Variants in SLC12A3 observed in about 807,000 individuals in gnomAD.
SLC12A3 encodes Na-Cl cotransporter.
SLC12A3 carries 104 observed loss-of-function variants against 121.0 expected under a neutral mutation model. That is an observed-to-expected ratio of 0.86 (90% CI 0.73 to 1.01). The LOEUF is 1.01. Ranked by LOEUF, SLC12A3 falls within the 50% of genes least tolerant of loss-of-function variation. The pLI, the probability that SLC12A3 is intolerant of heterozygous loss-of-function variation, is 0.00. For missense variants in SLC12A3, 1,328 were observed against 1,356.3 expected, an observed-to-expected ratio of 0.98 and a Z score of 0.33; for synonymous variants, 536 against 533.4, an observed-to-expected ratio of 1.00 and a Z score of -0.07.
intron 12 of SLC12A3, 77 bp downstream of exon 12, chr16:56,880,330 C>A: frequency 6.7e-7 from 1 of 1,502,196 alleles, no homozygotes; most frequent in Non-Finnish European, 9.0e-7. Flanking sequence ...GGGCCGGGCT[C>A]TTCTCCTGTC....
At chr16:56,883,161 G>A (rs1296348105) in intron 13 of SLC12A3, among the ~76,000 whole-genome samples, 1 of 151,848 alleles carries the variant, frequency 6.6e-6, no homozygotes, top group East Asian at 1.9e-4. Context: ...GCTGCAGGTT[G>A]CACACTGCAT....
chr16:56,898,389 G>C (rs1464098364), intron 22 of SLC12A3, among the ~76,000 whole-genome samples: 1 of 152,118 alleles, frequency 6.6e-6, no homozygotes, highest in Admixed American at 6.5e-5. Context: ...CTCCCGAGTA[G>C]CTGGGACTAC....
chr16:56,905,057 T>C (rs2144773892), intron 25 of SLC12A3, among the ~76,000 whole-genome samples: 1 of 152,092 alleles, frequency 6.6e-6, no homozygotes, highest in Middle Eastern at 3.4e-3. Context: ...AGAACATGAT[T>C]GGCCGGGCAC....
At position 56,914,822 on chromosome 16, in the gene SLC12A3, G is replaced by T. The variant is rs1157508029; in HGVS notation, c.*1417G>T. 1 of 152,120 alleles carries T rather than the reference G, an allele frequency of 6.6e-6. No individual in the cohort carries two copies. The allele number at this position is 152,120 out of a possible 1,614,324, so 9.4% of individuals were successfully genotyped here. A position where few individuals can be genotyped will look rare whatever the true frequency, so the allele number is the denominator to read the frequency against. On this transcript the variant is annotated 3_prime_UTR_variant, in exon 26 of 26. Coordinates refer to ENST00000563236, the MANE Select transcript of SLC12A3 (RefSeq NM_001126108.2). ...TGGAGAGGGGTGTAGAGATGGCAAG[G>T]TTGGCAAGGAACAGATAGGCAGGAG...
chr16:56,905,043 A>C (rs72786761), intron 25 of SLC12A3, among the ~76,000 whole-genome samples: 2,485 of 152,234 alleles, frequency 0.016, 31 homozygotes, highest in Non-Finnish European at 0.025. Context: ...TGAGGCCTGT[A>C]AGAAGAACAT....
intron 3 of SLC12A3, among the ~76,000 whole-genome samples, chr16:56,868,817 A>T (rs1199730018): frequency 2.0e-5 from 3 of 152,018 alleles, no homozygotes; most frequent in Non-Finnish European, 4.4e-5. Context: ...TAAAAATATT[A>T]AAAAATTGGC....
At position 56,915,646 on chromosome 16, in the gene SLC12A3, A is replaced by C. The variant is rs2055741085; in HGVS notation, c.*2241A>C. On this transcript the variant is annotated 3_prime_UTR_variant, in exon 26 of 26. Coordinates refer to ENST00000563236, the MANE Select transcript of SLC12A3 (RefSeq NM_001126108.2). Reference sequence around the variant, plus strand: ...GCCTTTCTAGAGCCACGTAGAAAACAATTTTCTGGTTCTTCAAACCTCAAA... The same window carrying C: ...GCCTTTCTAGAGCCACGTAGAAAACCATTTTCTGGTTCTTCAAACCTCAAA... 6.6e-6 allele frequency: 1 copy of C among 152,238 alleles called. No individual in the cohort carries two copies. The highest frequency in any genetic ancestry group is 1.5e-5 in the Non-Finnish European group (1 of 68,048). 9.4% of individuals were successfully genotyped at this position (152,238 alleles called of 1,614,324 possible). A position where few individuals can be genotyped will look rare whatever the true frequency, so the allele number is the denominator to read the frequency against.
At chr16:56,885,486 T>A (rs2055298609) in intron 15 of SLC12A3, 122 bp downstream of exon 15, 1 of 724,564 alleles carries the variant, frequency 1.4e-6, no homozygotes, top group African/African-American at 1.7e-5. Context: ...CAGCCTCCAC[T>A]CAGAGAGGGA....
intron 11 of SLC12A3, 98 bp downstream of exon 11, chr16:56,879,747 A>G (rs2055213648): frequency 3.5e-6 from 3 of 855,494 alleles, no homozygotes; most frequent in Non-Finnish European, 5.8e-6. Flanking sequence ...AAACACCTGA[A>G]GGTGTCATTA....
At chr16:56,867,300 G>T in intron 2 of SLC12A3, 84 bp downstream of exon 2, 2 of 1,395,446 alleles carry the variant, frequency 1.4e-6, no homozygotes, top group African/African-American at 2.8e-5. Flanking sequence ...CTGACTCTCA[G>T]GCCCTGGTGG....
rs1211988197 is a variant in SLC12A3, at chr16:56,887,798, ATTTTTT to A, written c.2179-112_2179-107del. 2.1e-3 allele frequency: 146 copies of A among 68,476 alleles called. 2 individuals carry two copies. Among genetic ancestry groups the A allele is most frequent in the Non-Finnish European group, 3.0e-3 (104 of 34,790 alleles). 4.2% of individuals were successfully genotyped at this position (68,476 alleles called of 1,614,324 possible). On this transcript the variant is annotated intron_variant, in intron 17 of 25. Coordinates refer to ENST00000563236, the MANE Select transcript of SLC12A3 (RefSeq NM_001126108.2). ...TATATATATATATATATATATATAT[ATTTTTT>A]TTTTTTTTTTTTTTGAGAATCAGCA...
intron 25 of SLC12A3, among the ~76,000 whole-genome samples, chr16:56,908,060 CT>C (rs1276159883): frequency 6.7e-6 from 1 of 150,298 alleles, no homozygotes; most frequent in Non-Finnish European, 1.5e-5. Flanking sequence ...CAGTCTGCCC[CT>C]GGGACTCAGT....
rs758702370 is a variant in SLC12A3, at chr16:56,870,738, TGAG to T, written c.852+7_852+9del. 6.4e-5 allele frequency: 102 copies of T among 1,597,338 alleles called. No individual in the cohort carries two copies. In the African/African-American group the frequency reaches 1.2e-3, roughly 18 times the overall value. On this transcript the variant is annotated splice_donor_5th_base_variant and intron_variant, in intron 6 of 25. Coordinates refer to ENST00000563236, the MANE Select transcript of SLC12A3 (RefSeq NM_001126108.2). ...GCTGGCATGGAGTGGGAGTCCAAGG[TGAG>T]GAGGCCATGGAGGAGGGGGACATGG...
At position 56,905,518 on chromosome 16, in the gene SLC12A3, C is replaced by T. The variant is rs545633649; in HGVS notation, c.2924+1056C>T. ...CTTTCGGCTCTGGTGATGTACCCCA[C>T]TCCCAGACCTGTCACCATCTGACCT... is the stretch of plus-strand genomic sequence containing the variant. On this transcript the variant is annotated intron_variant, in intron 25 of 25. Coordinates refer to ENST00000563236, the MANE Select transcript of SLC12A3 (RefSeq NM_001126108.2). Among the ~76,000 whole-genome samples, 7 of 152,136 alleles carry T rather than the reference C, an allele frequency of 4.6e-5. No individual in the cohort carries two copies. The East Asian group carries it at 1.4e-3, about 29-fold the overall frequency.
In SLC12A3 at chr16:56,873,712, T is replaced by TA. The variant is rs201211039; in HGVS notation, c.1095+926_1095+927insA. Among the ~76,000 whole-genome samples, 394 of 147,580 alleles carry TA rather than the reference T, an allele frequency of 2.7e-3. 5 individuals carry two copies. Among genetic ancestry groups the TA allele is most frequent in the East Asian group, 0.012 (60 of 5,006 alleles). On this transcript the variant is annotated intron_variant, in intron 8 of 25. Coordinates refer to ENST00000563236, the MANE Select transcript of SLC12A3 (RefSeq NM_001126108.2). ...CTCTTTTATTTATTTTATTTTATTT[T>TA]TTTTTTTTTGAGATGAAGTCTCGGT...
At chr16:56,877,985 C>T in intron 8 of SLC12A3, 92 bp from the exon 9 acceptor site, 1 of 766,832 alleles carries the variant, frequency 1.3e-6, no homozygotes, top group South Asian at 1.7e-5. Flanking sequence ...GAGGACAGGC[C>T]TGGAAGGAGG....
chr16:56,877,479 A>G (rs894696966), intron 8 of SLC12A3, among the ~76,000 whole-genome samples: 50 of 152,352 alleles, frequency 3.3e-4, no homozygotes, highest in African/African-American at 1.2e-3. Flanking sequence ...GAACGGAAGG[A>G]GAAAATTTGG....
Position 56,872,429 on chromosome 16 carries a change from G to C in SLC12A3, c.931G>C (p.Asp311His), listed in dbSNP as rs376634231. ...GGGGACGCTGATCCCCCCATCTGAG[G>C]ACAAGGCCTCCAAAGGCTTCTTCAG... is the stretch of plus-strand genomic sequence containing the variant. ...LVGTLIPPSE[D>H]KASKGFFSYR... The change falls in exon 7 of 26, where the codon GAC becomes CAC. Residue 311 changes from aspartate (D) to histidine (H), a missense_variant. Physicochemically the swap from Asp to His is moderately conservative, Grantham distance 81. Coordinates refer to ENST00000563236, the MANE Select transcript of SLC12A3 (RefSeq NM_001126108.2). 3 of 1,613,964 alleles carry C rather than the reference G, an allele frequency of 1.9e-6. No homozygotes were observed. Among genetic ancestry groups the C allele is most frequent in the Non-Finnish European group, 2.5e-6 (3 of 1,180,034 alleles).
chr16:56,873,653 G>T (rs1350817037), intron 8 of SLC12A3, among the ~76,000 whole-genome samples: 1 of 150,262 alleles, frequency 6.7e-6, no homozygotes, highest in African/African-American at 2.4e-5. Flanking sequence ...CTCCCAAAGT[G>T]CTGGGATTAT....
Sources: gnomAD v4.1 joint callset for allele counts (sites outside exome capture counted in the v4.1 genomes callset) on GRCh38, gnomAD v4.1.1 for gene constraint, MANE v1.5 for transcripts, NCBI Gene and HGNC (gene_info 2026-07-23, HGNC 2026-07-21) for gene names.